Variants in TMEM217 observed in about 807,000 individuals in gnomAD.
TMEM217 encodes the protein transmembrane protein 217.
For synonymous variants in TMEM217, 76 were observed against 88.3 expected, an observed-to-expected ratio of 0.86 and a Z score of 0.78; for missense variants, 204 against 248.8, an observed-to-expected ratio of 0.82 and a Z score of 1.21.
chr6:37,242,060 C>T (rs1764795139), intron 1 of TMEM217, among the ~76,000 whole-genome samples: 1 of 148,212 alleles, frequency 6.7e-6, no homozygotes, highest in Non-Finnish European at 1.5e-5. Context: ...GATGGAGTCA[C>T]ATAGAACCCC....
chr6:37,249,836 T>C (rs1765304232), intron 1 of TMEM217, among the ~76,000 whole-genome samples: 1 of 152,200 alleles, frequency 6.6e-6, no homozygotes, highest in African/African-American at 2.4e-5. Context: ...TGAAAAACAG[T>C]TGGGCAGTAT....
intron 1 of TMEM217, among the ~76,000 whole-genome samples, chr6:37,237,970 C>G (rs570325866): frequency 6.6e-6 from 1 of 152,258 alleles, no homozygotes; most frequent in South Asian, 2.1e-4. Flanking sequence ...GGGTACCATA[C>G]AGCCAGATGC....
chr6:37,227,836 C>T (rs538296962), intron 1 of TMEM217, among the ~76,000 whole-genome samples: 13 of 151,450 alleles, frequency 8.6e-5, no homozygotes, highest in African/African-American at 3.2e-4. Context: ...TTTTAATTTG[C>T]AAAATTAAAG....
intron 1 of TMEM217, among the ~76,000 whole-genome samples, chr6:37,236,751 T>C (rs1261403937): frequency 6.6e-6 from 1 of 152,212 alleles, no homozygotes; most frequent in African/African-American, 2.4e-5. Context: ...GTGAATGGAT[T>C]CTGTGGGTGA....
chr6:37,239,784 G>C (rs963141929), intron 1 of TMEM217, among the ~76,000 whole-genome samples: 1 of 151,692 alleles, frequency 6.6e-6, no homozygotes, highest in African/African-American at 2.4e-5. Context: ...TAAAGCTTTA[G>C]AGCCTAATTC....
chr6:37,224,100 C>A (rs1450914570), intron 1 of TMEM217, among the ~76,000 whole-genome samples: 1 of 151,498 alleles, frequency 6.6e-6, no homozygotes, highest in Non-Finnish European at 1.5e-5. Context: ...CCATGCCTGG[C>A]TCATTTTTTT....
At chr6:37,234,294 TTC>T (rs1438901007) in intron 1 of TMEM217, among the ~76,000 whole-genome samples, 1 of 152,124 alleles carries the variant, frequency 6.6e-6, no homozygotes, top group Non-Finnish European at 1.5e-5. Flanking sequence ...GAGGTGGGGT[TTC>T]TCCATGTTGG....
intron 1 of TMEM217, among the ~76,000 whole-genome samples, chr6:37,238,763 GACTT>G (rs1188626652): frequency 6.6e-6 from 1 of 152,232 alleles, no homozygotes; most frequent in Non-Finnish European, 1.5e-5. Context: ...GAAAGGGAGA[GACTT>G]ACTTTTTACA....
At chr6:37,220,763 G>A (rs1453484243) in intron 1 of TMEM217, among the ~76,000 whole-genome samples, 1 of 152,004 alleles carries the variant, frequency 6.6e-6, no homozygotes, top group Non-Finnish European at 1.5e-5. Flanking sequence ...AGTACATAGT[G>A]AAAAATAACC....
chr6:37,217,080 G>T (rs1251263864), downstream of TMEM217, among the ~76,000 whole-genome samples: 1 of 152,212 alleles, frequency 6.6e-6, no homozygotes, highest in East Asian at 1.9e-4. Flanking sequence ...GATCACCTAA[G>T]GTCAGGAATT....
rs181288647 is a variant in TMEM217 at position 37,249,952 on chromosome 6, T to A, written c.-12+7616A>T. On this transcript the variant is annotated intron_variant, in intron 1 of 1. Coordinates refer to ENST00000357219, the Ensembl canonical transcript of TMEM217. ...TGTTCACTTATGCAGAAGACACACA[T>A]AAGAAAGTTTGTAGCAGCAGAGTTC... Among the ~76,000 whole-genome samples, 387 of 152,218 alleles carry A rather than the reference T, an allele frequency of 2.5e-3. 7 individuals are homozygous for A. The highest frequency in any genetic ancestry group is 1.4e-3 in the Non-Finnish European group (93 of 68,008).
exon 1 of TMEM217, chr6:37,258,106 G>A (rs750685840): frequency 2.0e-5 from 20 of 1,014,352 alleles, no homozygotes; most frequent in Admixed American, 3.0e-5. Flanking sequence ...GCCTGGTGGC[G>A]GCAGGGCAGC....
chr6:37,217,975 G>T (rs896583532), exon 2 of TMEM217: 22 of 988,310 alleles, frequency 2.2e-5, no homozygotes, highest in Non-Finnish European at 2.6e-5. Flanking sequence ...AGGATGTTCC[G>T]GTTGTGATTA....
chr6:37,234,464 C>T (rs113151805), intron 1 of TMEM217, among the ~76,000 whole-genome samples: 60 of 152,224 alleles, frequency 3.9e-4, no homozygotes, highest in African/African-American at 1.3e-3. Context: ...ATAACCTCAT[C>T]GTAAGTTGAG....
At chr6:37,250,222 T>C (rs1186174652) in intron 1 of TMEM217, among the ~76,000 whole-genome samples, 1 of 152,182 alleles carries the variant, frequency 6.6e-6, no homozygotes, top group African/African-American at 2.4e-5. Context: ...AAGGGAATTA[T>C]TAATACAAAA....
chr6:37,258,079 T>A, exon 1 of TMEM217: 1 of 1,311,040 alleles, frequency 7.6e-7, no homozygotes, highest in Non-Finnish European at 1.0e-6. Flanking sequence ...GAAGACTGGT[T>A]TGGGGAAGCT....
At chr6:37,226,213 C>T (rs1426387632) in intron 1 of TMEM217, among the ~76,000 whole-genome samples, 1 of 151,744 alleles carries the variant, frequency 6.6e-6, no homozygotes, top group East Asian at 1.9e-4. Context: ...AGATATCTCC[C>T]CTTTATCTCA....
At chr6:37,255,303 G>C (rs1765655241) in intron 1 of TMEM217, among the ~76,000 whole-genome samples, 1 of 152,164 alleles carries the variant, frequency 6.6e-6, no homozygotes, top group African/African-American at 2.4e-5. Flanking sequence ...GGGTCTTTAA[G>C]GAGCTTGGAT....
rs186455396 is a variant in TMEM217, at chr6:37,256,489, T to C, written c.-12+1079A>G. Among the ~76,000 whole-genome samples the C allele has an allele frequency of 4.5e-3, 690 of 152,304 alleles. 2 individuals are homozygous for C. Among genetic ancestry groups the C allele is most frequent in the Middle Eastern group, 0.034 (10 of 294 alleles). On this transcript the variant is annotated intron_variant, in intron 1 of 1. Transcript: ENST00000357219. ...ATTAAAAGAATAGAGGGGCTTTTTT[T>C]CTCTGGGTTAAATGCCCATAAAGAA...
Sources: allele counts gnomAD v4.1 joint callset (sites outside exome capture counted in the v4.1 genomes callset), GRCh38; gene constraint gnomAD v4.1.1; transcripts MANE v1.5; gene names NCBI Gene and HGNC (gene_info 2026-07-23, HGNC 2026-07-21).